The following KCNH7 variants were observed in gnomAD, a reference collection of about 807,000 sequenced individuals.
The protein encoded by KCNH7 is potassium voltage-gated channel subfamily H member 7, also known as voltage-gated inwardly rectifying potassium channel KCNH7.
In KCNH7, 49 loss-of-function variants were observed where a neutral mutation model predicts 120.8. The observed-to-expected ratio is 0.41, with a 90% CI of 0.32 to 0.51. KCNH7 has a LOEUF of 0.51. Ranked by LOEUF, KCNH7 falls within the 20% of genes least tolerant of loss-of-function variation. The pLI is 0.38. For synonymous variants in KCNH7, 547 were observed against 516.1 expected (o/e 1.06, Z -0.81); for missense variants, 1,097 against 1,446.6 (o/e 0.76, Z 3.92).
At chr2:162,563,679 AAC>A (rs1163282187) in intron 2 of KCNH7, among the ~76,000 whole-genome samples, 1 of 152,188 alleles carries the variant, frequency 6.6e-6, no homozygotes, top group Non-Finnish European at 1.5e-5. Context: ...TAAGAAAACT[AAC>A]ACAGCATGTT....
chr2:162,775,033 C>T (rs1166215232), intron 2 of KCNH7, among the ~76,000 whole-genome samples: 1 of 151,776 alleles, frequency 6.6e-6, no homozygotes, highest in East Asian at 1.9e-4. Flanking sequence ...TTTATGTGAC[C>T]CTTGAAATAA....
At chr2:162,787,429 A>T (rs1483719598) in intron 2 of KCNH7, among the ~76,000 whole-genome samples, 1 of 151,978 alleles carries the variant, frequency 6.6e-6, no homozygotes, top group East Asian at 1.9e-4. Context: ...CCCAGGATCC[A>T]GGACCAACCC....
chr2:162,596,144 A>G (rs1186450866), intron 2 of KCNH7, among the ~76,000 whole-genome samples: 1 of 152,104 alleles, frequency 6.6e-6, no homozygotes, highest in Non-Finnish European at 1.5e-5. Flanking sequence ...AAACGGATCT[A>G]TAGATTCAAT....
intron 6 of KCNH7, among the ~76,000 whole-genome samples, chr2:162,489,367 G>A (rs891197190): frequency 4.0e-5 from 6 of 151,690 alleles, no homozygotes; most frequent in African/African-American, 7.3e-5. Context: ...AATGATAGCC[G>A]ATGAGCTAAA....
intron 2 of KCNH7, among the ~76,000 whole-genome samples, chr2:162,789,514 A>C (rs1223425251): frequency 2.0e-5 from 3 of 152,024 alleles, no homozygotes; most frequent in African/African-American, 7.2e-5. Context: ...AAATGAACCT[A>C]ACGGACGTAT....
At chr2:162,661,993 G>T (rs189648029) in intron 2 of KCNH7, among the ~76,000 whole-genome samples, 7 of 152,144 alleles carry the variant, frequency 4.6e-5, no homozygotes, top group African/African-American at 1.7e-4. Context: ...GCTGGGCGCA[G>T]TGGCTCACGC....
At chr2:162,540,204 TAAG>T (rs907739507) in intron 2 of KCNH7, among the ~76,000 whole-genome samples, 11 of 144,188 alleles carry the variant, frequency 7.6e-5, no homozygotes, top group Admixed American at 5.4e-4. Context: ...TAATGTTTGT[TAAG>T]AAGCAGATTA....
At chr2:162,584,428 C>G (rs955321216) in intron 2 of KCNH7, among the ~76,000 whole-genome samples, 21 of 152,166 alleles carry the variant, frequency 1.4e-4, no homozygotes, top group South Asian at 1.0e-3. Flanking sequence ...AGAAATGTAC[C>G]AATATCTCAA....
intron 2 of KCNH7, among the ~76,000 whole-genome samples, chr2:162,718,517 C>A (rs985661277): frequency 1.6e-4 from 24 of 151,900 alleles, no homozygotes; most frequent in African/African-American, 5.8e-4. Context: ...ATGAACAAAG[C>A]AGAGCTTATA....
chr2:162,393,081 T>C (rs1686790893), intron 12 of KCNH7, among the ~76,000 whole-genome samples: 2 of 151,970 alleles, frequency 1.3e-5, no homozygotes, highest in Admixed American at 6.6e-5. Context: ...AATGGAGATT[T>C]ATTGGAGGTA....
At chr2:162,778,717 G>A (rs912968645) in intron 2 of KCNH7, among the ~76,000 whole-genome samples, 1 of 152,074 alleles carries the variant, frequency 6.6e-6, no homozygotes, top group African/African-American at 2.4e-5. Flanking sequence ...AGATGATAGA[G>A]AATAAATGGG....
intron 2 of KCNH7, among the ~76,000 whole-genome samples, chr2:162,757,556 T>A (rs1688827904): frequency 6.6e-6 from 1 of 152,124 alleles, no homozygotes; most frequent in African/African-American, 2.4e-5. Flanking sequence ...CACAAAAAAA[T>A]GTATATATCT....
intron 2 of KCNH7, among the ~76,000 whole-genome samples, chr2:162,622,563 A>G (rs1683401196): frequency 6.6e-6 from 1 of 152,050 alleles, no homozygotes; most frequent in African/African-American, 2.4e-5. Flanking sequence ...CTTGGTTTCA[A>G]TTTTGTCCTT....
At position 162,442,661 on chromosome 2, in the gene KCNH7, C is replaced by T. The variant is rs578020949; in HGVS notation, c.1554+3357G>A. Among the ~76,000 whole-genome samples, 3 of 152,084 alleles carry T rather than the reference C, an allele frequency of 2.0e-5. No individual in the cohort carries two copies. The East Asian group carries it at 5.9e-4, about 30-fold the overall frequency. On this transcript the variant is annotated intron_variant, in intron 7 of 15. Coordinates refer to ENST00000332142, the MANE Select transcript of KCNH7 (RefSeq NM_033272.4). ...ATCACTTGAGCTCAGAGTTCAAGAT[C>T]AGCCTGGACAACATAGTGAAACTCT... is the stretch of plus-strand genomic sequence containing the variant.
intron 2 of KCNH7, among the ~76,000 whole-genome samples, chr2:162,787,827 C>T (rs1191974747): frequency 6.6e-6 from 1 of 152,094 alleles, no homozygotes; most frequent in African/African-American, 2.4e-5. Context: ...CCCACAATGA[C>T]CCTAGTTCCA....
At chr2:162,614,555 A>C (rs1258107238) in intron 2 of KCNH7, among the ~76,000 whole-genome samples, 1 of 152,044 alleles carries the variant, frequency 6.6e-6, no homozygotes, top group East Asian at 1.9e-4. Context: ...TGAATGAATA[A>C]ATTAAAACTA....
At chr2:162,540,792 C>A (rs2105835266) in intron 2 of KCNH7, among the ~76,000 whole-genome samples, 1 of 152,176 alleles carries the variant, frequency 6.6e-6, no homozygotes, top group South Asian at 2.1e-4. Flanking sequence ...TTAAAACTTT[C>A]CTTCACATGT....
At chr2:162,795,520 C>T (rs575307194) in intron 2 of KCNH7, 49 of 152,112 alleles carry the variant, frequency 3.2e-4, no homozygotes, top group African/African-American at 1.1e-3. Context: ...CTTCAGGATC[C>T]GTACTTTGAT....
chr2:162,766,981 T>A (rs898896420), intron 2 of KCNH7, among the ~76,000 whole-genome samples: 4 of 150,140 alleles, frequency 2.7e-5, no homozygotes, highest in Non-Finnish European at 5.9e-5. Flanking sequence ...TTTAAAAAAA[T>A]TTAACAATTT....
Sources: gnomAD v4.1 joint callset for allele counts (sites outside exome capture counted in the v4.1 genomes callset) on GRCh38, gnomAD v4.1.1 for gene constraint, MANE v1.5 for transcripts, NCBI Gene and HGNC (gene_info 2026-07-23, HGNC 2026-07-21) for gene names.